Variants in ZSWIM6 observed in about 807,000 individuals in gnomAD.
ZSWIM6 encodes the protein zinc finger SWIM-type containing 6, also known as zinc finger SWIM domain-containing protein 6.
ZSWIM6 carries 9 observed loss-of-function variants against 113.2 expected under a neutral mutation model. The ratio of observed to expected loss-of-function variants is 0.08; its 90% CI spans 0.05 to 0.14. The LOEUF (loss-of-function observed/expected upper bound fraction) is 0.14, where lower values mean the gene tolerates loss of function less well. Ranked by LOEUF, ZSWIM6 falls within the 10% of genes least tolerant of loss-of-function variation. The pLI is 1.00. For missense variants in ZSWIM6, 1,162 were observed against 1,552.2 expected (o/e 0.75, Z 4.22); for synonymous variants, 611 against 606.5 (o/e 1.01, Z -0.11).
intron 1 of ZSWIM6, chr5:61,391,796 G>T: frequency 1.1e-6 from 1 of 895,194 alleles, no homozygotes; most frequent in South Asian, 1.4e-5. Flanking sequence ...ACCTTCCCAT[G>T]ATGCTTCCTG....
chr5:61,531,415 A>T, intron 8 of ZSWIM6, 50 bp from the exon 9 acceptor site: 1 of 1,516,592 alleles, frequency 6.6e-7, no homozygotes, highest in South Asian at 1.2e-5. Context: ...TTATCATATC[A>T]TCTGCAAAAG....
At chr5:61,442,315 A>G (rs976909077) in intron 1 of ZSWIM6, among the ~76,000 whole-genome samples, 3 of 152,196 alleles carry the variant, frequency 2.0e-5, no homozygotes, top group Admixed American at 1.3e-4. Context: ...TCTGTGGGAC[A>G]GTTGGGCCAG....
intron 1 of ZSWIM6, among the ~76,000 whole-genome samples, chr5:61,363,862 T>TTCCTTCCTTCCC (rs1209646931): frequency 9.0e-6 from 1 of 111,258 alleles, no homozygotes; most frequent in Admixed American, 8.8e-5. Flanking sequence ...TTTTCCTTCC[T>TTCCTTCCTTCCC]TCCTTCCTTC....
chr5:61,391,303 A>G (rs886628829), intron 1 of ZSWIM6: 2 of 841,378 alleles, frequency 2.4e-6, no homozygotes, highest in South Asian at 1.3e-5. Context: ...CTTCTTGGCC[A>G]TGGTGCCTCC....
At chr5:61,503,842 C>T (rs1748535286) in intron 4 of ZSWIM6, among the ~76,000 whole-genome samples, 1 of 152,110 alleles carries the variant, frequency 6.6e-6, no homozygotes, top group Non-Finnish European at 1.5e-5. Context: ...ATAGTAGTAT[C>T]GTCAGTTATT....
chr5:61,524,871 C>T (rs1749236578), intron 5 of ZSWIM6, among the ~76,000 whole-genome samples: 2 of 152,268 alleles, frequency 1.3e-5, no homozygotes, highest in Admixed American at 6.5e-5. Context: ...AAGTTTGTGC[C>T]ACAGTTGAAG....
intron 1 of ZSWIM6, among the ~76,000 whole-genome samples, chr5:61,342,536 T>C (rs1000642710): frequency 6.6e-6 from 1 of 152,208 alleles, no homozygotes; most frequent in Non-Finnish European, 1.5e-5. Context: ...GCAGCCTCTT[T>C]GGTTGGTGCT....
chr5:61,354,428 A>T (rs1270193351), intron 1 of ZSWIM6, among the ~76,000 whole-genome samples: 4 of 152,218 alleles, frequency 2.6e-5, no homozygotes, highest in Non-Finnish European at 5.9e-5. Context: ...AAGTTATAGG[A>T]TGAATAATTA....
intron 1 of ZSWIM6, among the ~76,000 whole-genome samples, chr5:61,348,563 A>G (rs1274241826): frequency 6.6e-6 from 1 of 152,176 alleles, no homozygotes; most frequent in Non-Finnish European, 1.5e-5. Context: ...GGGTCGTTTC[A>G]GGGATTTATT....
At chr5:61,385,504 C>T (rs188568698) in intron 1 of ZSWIM6, among the ~76,000 whole-genome samples, 1 of 152,298 alleles carries the variant, frequency 6.6e-6, no homozygotes, top group East Asian at 1.9e-4. Context: ...TGGTTTTAGC[C>T]ATTACTACCA....
At chr5:61,384,734 T>C (rs933358946) in intron 1 of ZSWIM6, among the ~76,000 whole-genome samples, 1 of 152,176 alleles carries the variant, frequency 6.6e-6, no homozygotes, top group Non-Finnish European at 1.5e-5. Context: ...TCTTTTCATA[T>C]TCACTTTTTT....
intron 1 of ZSWIM6, chr5:61,391,354 A>G (rs147101511): frequency 0.012 from 9,851 of 828,426 alleles, 103 homozygotes; most frequent in Middle Eastern, 0.024. Context: ...CCTCTGGTGC[A>G]GAGGAAGCAG....
chr5:61,371,966 T>C (rs962682974), intron 1 of ZSWIM6, among the ~76,000 whole-genome samples: 6 of 152,180 alleles, frequency 3.9e-5, no homozygotes, highest in African/African-American at 1.4e-4. Context: ...TTCTAAAAGT[T>C]CCCTATGATT....
intron 1 of ZSWIM6, among the ~76,000 whole-genome samples, chr5:61,366,146 T>G (rs1469421608): frequency 6.6e-6 from 1 of 152,228 alleles, no homozygotes; most frequent in African/African-American, 2.4e-5. Context: ...TCTGCCCGCC[T>G]TGGCCTCTCA....
At chr5:61,463,846 G>C (rs1432073130) in intron 1 of ZSWIM6, among the ~76,000 whole-genome samples, 1 of 152,142 alleles carries the variant, frequency 6.6e-6, no homozygotes, top group Non-Finnish European at 1.5e-5. Context: ...TTCATTTGAT[G>C]TACTTTCGAG....
chr5:61,341,785 A>G (rs957972865), intron 1 of ZSWIM6, among the ~76,000 whole-genome samples: 1 of 151,760 alleles, frequency 6.6e-6, no homozygotes, highest in Non-Finnish European at 1.5e-5. Context: ...TAAATAGTAT[A>G]CACATAATCC....
chr5:61,454,606 G>A (rs1344757502), intron 1 of ZSWIM6, among the ~76,000 whole-genome samples: 3 of 136,872 alleles, frequency 2.2e-5, no homozygotes, highest in Non-Finnish European at 4.6e-5. Flanking sequence ...ATGGAGTCCC[G>A]CTCTGTTGCC....
At chr5:61,527,301 TTTCA>T (rs1749313398) in intron 7 of ZSWIM6, among the ~76,000 whole-genome samples, 1 of 152,198 alleles carries the variant, frequency 6.6e-6, no homozygotes, top group South Asian at 2.1e-4. Flanking sequence ...TGATTTTATT[TTTCA>T]TTAAGAGGGA....
At chr5:61,336,381 T>A (rs1490124618) in intron 1 of ZSWIM6, among the ~76,000 whole-genome samples, 5 of 152,104 alleles carry the variant, frequency 3.3e-5, no homozygotes, top group Admixed American at 2.6e-4. Context: ...AAAAAAAAAA[T>A]TTCCCCAAGT....
Sources: allele counts gnomAD v4.1 joint callset (sites outside exome capture counted in the v4.1 genomes callset), GRCh38; gene constraint gnomAD v4.1.1; transcripts MANE v1.5; gene names NCBI Gene and HGNC (gene_info 2026-07-23, HGNC 2026-07-21).